The following ACTR8 variants were observed in gnomAD, a reference collection of about 807,000 sequenced individuals.
ACTR8 encodes actin-related protein 8.
ACTR8 carries 70 observed loss-of-function variants against 84.3 expected under a neutral mutation model. That is an observed-to-expected ratio of 0.83 (90% CI 0.68 to 1.01). The LOEUF is 1.01. Ranked by LOEUF, ACTR8 falls within the 50% of genes least tolerant of loss-of-function variation. The pLI, the probability that ACTR8 is intolerant of heterozygous loss-of-function variation, is 0.00. For missense variants in ACTR8, 672 were observed against 775.4 expected, an observed-to-expected ratio of 0.87 and a Z score of 1.58; for synonymous variants, 268 against 275.2, an observed-to-expected ratio of 0.97 and a Z score of 0.26.
Position 53,868,631 on chromosome 3 carries a change from T to C in ACTR8, c.*88A>G. ...TGTCCATGACACTTAAGCATCCAGA[T>C]CAATAAATTACAATACACATATTCT... is the stretch of plus-strand genomic sequence containing the variant. On this transcript the variant is annotated 3_prime_UTR_variant, in exon 13 of 13. Coordinates refer to ENST00000335754, the MANE Select transcript of ACTR8 (RefSeq NM_022899.5). 1 of 1,528,866 alleles carries C rather than the reference T, an allele frequency of 6.5e-7. No homozygotes were observed. Among genetic ancestry groups the C allele is most frequent in the Non-Finnish European group, 8.8e-7 (1 of 1,134,492 alleles). 94.7% of individuals were successfully genotyped at this position (1,528,866 alleles called of 1,614,324 possible). A position where few individuals can be genotyped will look rare whatever the true frequency, so the allele number is the denominator to read the frequency against.
Position 53,868,778 on chromosome 3 carries a change from G to T in ACTR8, c.1816C>A (p.Arg606=). ...CGGACACCAAAGCGCTGCCACTCTC[G>T]CTGATAAATCCACAGTTCCTGTGTT... ...DTTQELWIYQ[R]EWQRFGVRML... Residue 606 remains arginine (R), a synonymous_variant, in exon 13 of 13, where the codon CGA becomes AGA. Coordinates refer to ENST00000335754, the MANE Select transcript of ACTR8 (RefSeq NM_022899.5). 6.2e-7 allele frequency: 1 copy of T among 1,614,148 alleles called. No individual in the cohort carries two copies. Among genetic ancestry groups the T allele is most frequent in the South Asian group, 1.1e-5 (1 of 91,082 alleles).
At position 53,870,330 on chromosome 3, in the gene ACTR8, G is replaced by A. The variant is rs367722211; in HGVS notation, c.1568-185C>T. ...AATGTAGGCATGTTGCCACGCCACC[G>A]CAATCCTACTTGCAGGATTAGGATC... On this transcript the variant is annotated intron_variant, in intron 11 of 12. Coordinates refer to ENST00000335754, the MANE Select transcript of ACTR8 (RefSeq NM_022899.5). This position sits in a 1 kb window ranked among gnomAD's most constrained non-coding sequence, Gnocchi z 4.1. The A allele has an allele frequency of 4.9e-5, 31 of 634,050 alleles. No homozygotes were observed. Among genetic ancestry groups the A allele is most frequent in the African/African-American group, 3.8e-4 (21 of 54,550 alleles). The allele number at this position is 634,050 out of a possible 1,614,324, so 39.3% of individuals were successfully genotyped here. A position where few individuals can be genotyped will look rare whatever the true frequency, so the allele number is the denominator to read the frequency against.
chr3:53,864,596 C>A, downstream of ACTR8: 8 of 656,340 alleles, frequency 1.2e-5, no homozygotes, highest in South Asian at 1.3e-4. Flanking sequence ...TCAAAAGGAA[C>A]ATCAGGATGT....
Position 53,878,469 on chromosome 3 carries a change from T to G in ACTR8, c.295-2A>C. On this transcript the variant is annotated splice_acceptor_variant, in intron 2 of 12. Transcript: ENST00000335754. LOFTEE classifies it high-confidence loss of function. ...TCTTTGTTCATTACTTTCTGGTTTC[T>G]GGGGAAAAAATGAAAGATGAGCAGT... 2.5e-6 allele frequency: 4 copies of G among 1,592,220 alleles called. No individual in the cohort carries two copies. Among genetic ancestry groups the G allele is most frequent in the Non-Finnish European group, 3.4e-6 (4 of 1,163,560 alleles).
downstream of ACTR8, among the ~76,000 whole-genome samples, chr3:53,863,645 G>A (rs371519018): frequency 1.3e-4 from 20 of 152,100 alleles, no homozygotes; most frequent in East Asian, 1.9e-3. Flanking sequence ...TCCAGGGGCT[G>A]AAAAGGGGTG....
At chr3:53,871,618 A>G (rs1342373423) in intron 10 of ACTR8, 122 bp from the exon 11 acceptor site, 17 of 1,070,508 alleles carry the variant, frequency 1.6e-5, no homozygotes, top group Middle Eastern at 4.6e-4. Flanking sequence ...CAATACAACA[A>G]CTGCCCAGCA....
chr3:53,862,520 T>C (rs953018719), downstream of ACTR8, among the ~76,000 whole-genome samples: 3 of 152,106 alleles, frequency 2.0e-5, no homozygotes, highest in South Asian at 4.1e-4. Context: ...AGGAAAGAGA[T>C]TGTAGATGTG....
At chr3:53,872,276 G>T in intron 10 of ACTR8, 108 bp downstream of exon 10, 2 of 1,215,224 alleles carry the variant, frequency 1.6e-6, no homozygotes. Flanking sequence ...AGCTATATCA[G>T]TGTTATTATG....
intron 7 of ACTR8, 43 bp from the exon 8 acceptor site, chr3:53,874,407 A>G: frequency 6.3e-7 from 1 of 1,593,046 alleles, no homozygotes; most frequent in Non-Finnish European, 8.6e-7. Context: ...CTGTTGGTTA[A>G]GAAGGTGCAA....
chr3:53,873,332 G>A (rs962992675), intron 8 of ACTR8, among the ~76,000 whole-genome samples: 2 of 152,120 alleles, frequency 1.3e-5, no homozygotes, highest in Admixed American at 6.5e-5. Context: ...TCCACTGTTT[G>A]CATTATTTGT....
chr3:53,872,959 G>A, intron 9 of ACTR8, 73 bp downstream of exon 9: 1 of 1,175,590 alleles, frequency 8.5e-7, no homozygotes, highest in Non-Finnish European at 1.2e-6. Flanking sequence ...TTCCAGCAAG[G>A]GCATATTCTC....
downstream of ACTR8, chr3:53,864,658 G>A: frequency 1.0e-6 from 1 of 1,002,860 alleles, no homozygotes; most frequent in Non-Finnish European, 1.5e-6. Context: ...ACATTCTCTA[G>A]CAAGGGATCA....
At chr3:53,859,945 G>A in the ACTR8 span, 3 of 490,372 alleles carry the variant, frequency 6.1e-6, no homozygotes, top group Non-Finnish European at 1.1e-5. Flanking sequence ...GGGAGACGGA[G>A]GCTGCAGTGA....
At chr3:53,859,992 A>G in the ACTR8 span, 1 of 620,704 alleles carries the variant, frequency 1.6e-6, no homozygotes, top group Non-Finnish European at 2.7e-6. Context: ...CCTAGGCAAC[A>G]AAGCGAGACT....
downstream of ACTR8, among the ~76,000 whole-genome samples, chr3:53,866,245 G>A (rs1453012214): frequency 6.6e-6 from 1 of 152,140 alleles, no homozygotes; most frequent in Non-Finnish European, 1.5e-5. Context: ...TTAGCTGAGT[G>A]TGATGGTGTA....
At position 53,878,464 on chromosome 3, in the gene ACTR8, G is replaced by A; in HGVS notation, c.298C>T (p.Pro100Ser). The A allele has an allele frequency of 6.3e-7, 1 of 1,599,232 alleles. No individual in the cohort carries two copies. The highest frequency in any genetic ancestry group is 8.6e-7 in the Non-Finnish European group (1 of 1,169,494). Reference protein sequence around the residue: ...SWLLREGLNKPESNEQRQNGL... With the variant: ...SWLLREGLNKSESNEQRQNGL... ...TTTTGTCTTTGTTCATTACTTTCTG[G>A]TTTCTGGGGAAAAAATGAAAGATGA... Residue 100 changes from proline (P) to serine (S), a missense_variant, in exon 3 of 13, where the codon CCA (proline) becomes TCA (serine). Coordinates refer to ENST00000335754, the MANE Select transcript of ACTR8 (RefSeq NM_022899.5).
At chr3:53,872,332 T>C in intron 10 of ACTR8, 52 bp downstream of exon 10, 2 of 1,502,738 alleles carry the variant, frequency 1.3e-6, no homozygotes, top group Non-Finnish European at 1.8e-6. Context: ...TCTGGACAAA[T>C]TTCTCCTTCA....
downstream of ACTR8, among the ~76,000 whole-genome samples, chr3:53,863,095 AT>A (rs143149408): frequency 0.013 from 2,040 of 152,192 alleles, 41 homozygotes; most frequent in African/African-American, 0.045. Context: ...TTTTAATTAC[AT>A]TTTTTTCTCT....
At chr3:53,881,188 G>C (rs1246952678) in intron 1 of ACTR8, among the ~76,000 whole-genome samples, 2 of 152,186 alleles carry the variant, frequency 1.3e-5, no homozygotes, top group East Asian at 1.9e-4. Context: ...TACTAGTTAG[G>C]TATTATCCTT....
Sources: gnomAD v4.1 joint callset for allele counts (sites outside exome capture counted in the v4.1 genomes callset) on GRCh38, gnomAD v4.1.1 for gene constraint, Gnocchi (gnomAD v3.1) non-coding constraint, MANE v1.5 for transcripts, NCBI Gene and HGNC (gene_info 2026-07-23, HGNC 2026-07-21) for gene names.